The following CCDC57 variants were observed in gnomAD, a reference collection of about 807,000 sequenced individuals.
CCDC57 encodes coiled-coil domain containing 57.
A neutral mutation model predicts 118.9 loss-of-function variants in CCDC57; 118 were observed. The observed-to-expected ratio is 0.99, with a 90% CI of 0.86 to 1.16. The LOEUF is 1.16. Ranked by LOEUF, CCDC57 falls within the 50% of genes most tolerant of loss-of-function variation. The pLI, the probability that CCDC57 is intolerant of heterozygous loss-of-function variation, is 0.00. For synonymous variants in CCDC57, 527 were observed against 532.9 expected, an observed-to-expected ratio of 0.99 and a Z score of 0.15; for missense variants, 1,300 against 1,320.7, an observed-to-expected ratio of 0.98 and a Z score of 0.24.
At chr17:82,204,506 G>A (rs8082653) in intron 2 of CCDC57, among the ~76,000 whole-genome samples, 69,747 of 152,082 alleles carry the variant, frequency 0.46, 16,826 homozygotes, top group East Asian at 0.88. Flanking sequence ...TACCAGGGCC[G>A]GGCGCAGTGG....
At chr17:82,142,317 T>G (rs1190449250) in intron 16 of CCDC57, among the ~76,000 whole-genome samples, 2 of 151,948 alleles carry the variant, frequency 1.3e-5, no homozygotes, top group African/African-American at 4.8e-5. Flanking sequence ...TTGTGTTTGT[T>G]TTTTTTTTTT....
In CCDC57 at chr17:82,172,490, T is replaced by C. The variant is rs2044872763; in HGVS notation, c.1729+148A>G. ...TCTCTTGGAGAAAAAGCAGTTTTCA[T>C]ACTTTGAGTTTATTACAGGGGATGT... is the stretch of plus-strand genomic sequence containing the variant. On this transcript the variant is annotated intron_variant, in intron 12 of 19. Transcript: ENST00000665763. This position sits in a 1 kb window ranked among gnomAD's most constrained non-coding sequence, Gnocchi z 5.2. 3 of 672,122 alleles carry C rather than the reference T, an allele frequency of 4.5e-6. No homozygotes were observed. The highest frequency in any genetic ancestry group is 2.8e-5 in the Admixed American group (1 of 35,972). The allele number at this position is 672,122 out of a possible 1,614,324, so 41.6% of individuals were successfully genotyped here.
chr17:82,152,737 C>T (rs939731661), intron 15 of CCDC57, among the ~76,000 whole-genome samples: 1 of 152,232 alleles, frequency 6.6e-6, no homozygotes, highest in Admixed American at 6.5e-5. Flanking sequence ...GTTCCTGGAA[C>T]AGGCCAGCAC....
chr17:82,134,024 A>C, intron 17 of CCDC57, 49 bp downstream of exon 16: 2 of 1,329,784 alleles, frequency 1.5e-6, no homozygotes, highest in Non-Finnish European at 9.7e-7. Flanking sequence ...AAACGACACA[A>C]TTAGGGAAAT....
rs1304474730 is a variant in CCDC57 at position 82,192,240 on chromosome 17, C to T, written c.851+1516G>A. On this transcript the variant is annotated intron_variant, in intron 7 of 19. Coordinates refer to ENST00000665763, the Ensembl canonical transcript of CCDC57. This position sits in a 1 kb window ranked among gnomAD's most constrained non-coding sequence, Gnocchi z 4.0. The stretch of plus-strand genomic sequence containing the variant: ...CCTCAAGTGATCCCCCTGACTCAGC[C>T]TCCCAAAGTGCTGTGTGATTATTTT... 6.6e-6 allele frequency among the ~76,000 whole-genome samples: 1 copy of T among 152,174 alleles called. No individual in the cohort carries two copies. The highest frequency in any genetic ancestry group is 1.5e-5 in the Non-Finnish European group (1 of 68,036).
intron 2 of CCDC57, among the ~76,000 whole-genome samples, chr17:82,206,995 T>C (rs1210469158): frequency 1.3e-5 from 2 of 152,194 alleles, no homozygotes; most frequent in African/African-American, 4.8e-5. Context: ...ACCCCCTTTT[T>C]GCCTGGGGAC....
chr17:82,193,139 G>C (rs545348251), intron 7 of CCDC57, among the ~76,000 whole-genome samples: 99 of 152,144 alleles, frequency 6.5e-4, no homozygotes, highest in Middle Eastern at 3.2e-3. Context: ...GCTCACTGCA[G>C]CCTCAATCTC....
chr17:82,106,009 A>G (rs1442157082), intron 19 of CCDC57, among the ~76,000 whole-genome samples: 1 of 152,156 alleles, frequency 6.6e-6, no homozygotes, highest in Non-Finnish European at 1.5e-5. Context: ...CGCCGACCAC[A>G]GGCTGACCCC....
At chr17:82,135,425 T>TTG (rs141371486) in intron 16 of CCDC57, 21,949 of 152,134 alleles carry the variant, frequency 0.14, 2,094 homozygotes, top group Non-Finnish European at 0.22. Context: ...TTAAAGCTTT[T>TTG]TTATCAATTA....
chr17:82,133,431 CAAAAAAAAAAAAA>C (rs71166189), intron 17 of CCDC57, among the ~76,000 whole-genome samples: 13 of 38,400 alleles, frequency 3.4e-4, no homozygotes, highest in Admixed American at 3.1e-4. Context: ...GGCCCTGTCT[CAAAAAAAAAAAAA>C]AAAAAAAAAA....
At chr17:82,139,765 T>C (rs2039766014) in intron 16 of CCDC57, among the ~76,000 whole-genome samples, 1 of 152,182 alleles carries the variant, frequency 6.6e-6, no homozygotes, top group African/African-American at 2.4e-5. Context: ...GCAGGCACCA[T>C]GGGCACAGGC....
rs1416889134 is a variant in CCDC57, at chr17:82,179,075, G to C, written c.1326C>G (p.Ile442Met). 6.2e-7 allele frequency: 1 copy of C among 1,613,964 alleles called. No individual in the cohort carries two copies. Among genetic ancestry groups the C allele is most frequent in the Non-Finnish European group, 8.5e-7 (1 of 1,179,886 alleles). ...CCTGAATCAGGGCCTCTGACTTTTG[G>C]ATCTGGTCCCTTTCAATGTCATCAC... Residue 442 changes from isoleucine to methionine, a missense_variant, in exon 10 of 20, where the codon ATC (isoleucine) becomes ATG (methionine). Transcript: ENST00000665763.
intron 16 of CCDC57, among the ~76,000 whole-genome samples, chr17:82,151,040 C>T (rs1306405189): frequency 4.6e-5 from 5 of 109,496 alleles, no homozygotes; most frequent in East Asian, 6.7e-4. Context: ...ACCTGGCGCA[C>T]ACCCAGAACC....
intron 19 of CCDC57, among the ~76,000 whole-genome samples, chr17:82,124,377 T>C (rs2037137609): frequency 1.3e-5 from 2 of 152,194 alleles, no homozygotes; most frequent in South Asian, 2.1e-4. Context: ...AAAAGCCTGA[T>C]AGGTGGAGAC....
chr17:82,117,185 T>C (rs2036029753), intron 19 of CCDC57, among the ~76,000 whole-genome samples: 1 of 143,846 alleles, frequency 7.0e-6, no homozygotes, highest in Admixed American at 6.9e-5. Context: ...AACCCATCTC[T>C]ACAAAAAAAA....
chr17:82,127,249 T>C, intron 19 of CCDC57: 1 of 985,126 alleles, frequency 1.0e-6, no homozygotes, highest in Non-Finnish European at 1.2e-6. Context: ...ATCACTGGGG[T>C]CGGCCTGGCT....
intron 9 of CCDC57, among the ~76,000 whole-genome samples, chr17:82,182,858 G>T (rs2046381175): frequency 6.6e-6 from 1 of 150,408 alleles, no homozygotes; most frequent in Admixed American, 6.7e-5. Context: ...GCTAATTTTT[G>T]TATTTTTAGT....
intron 13 of CCDC57, among the ~76,000 whole-genome samples, chr17:82,170,896 C>T (rs140907862): frequency 3.3e-5 from 5 of 152,330 alleles, no homozygotes; most frequent in East Asian, 1.9e-4. Flanking sequence ...TAAGTGTTGG[C>T]GCGCATGCAG....
intron 7 of CCDC57, among the ~76,000 whole-genome samples, chr17:82,189,932 C>G (rs1022829358): frequency 3.9e-5 from 6 of 152,086 alleles, no homozygotes; most frequent in Non-Finnish European, 5.9e-5. Context: ...ATCACTTGAA[C>G]CCAGGAGGCG....
Sources: allele counts gnomAD v4.1 joint callset (sites outside exome capture counted in the v4.1 genomes callset), GRCh38; gene constraint gnomAD v4.1.1; non-coding constraint Gnocchi (gnomAD v3.1); transcripts MANE v1.5; gene names NCBI Gene and HGNC (gene_info 2026-07-23, HGNC 2026-07-21).